Variants in PLCL2 observed in about 807,000 individuals in gnomAD.
PLCL2 encodes the protein inactive phospholipase C-like protein 2.
A neutral mutation model predicts 79.6 loss-of-function variants in PLCL2; 4 were observed. The ratio of observed to expected loss-of-function variants is 0.05; its 90% CI spans 0.02 to 0.11. The LOEUF (loss-of-function observed/expected upper bound fraction) is 0.11, where lower values mean the gene tolerates loss of function less well. Ranked by LOEUF, PLCL2 falls within the 10% of genes least tolerant of loss-of-function variation. PLCL2 has a pLI of 1.00. For missense variants in PLCL2, 895 were observed against 1,291.0 expected, an observed-to-expected ratio of 0.69 and a Z score of 4.70; for synonymous variants, 484 against 457.7, an observed-to-expected ratio of 1.06 and a Z score of -0.73.
chr3:16,994,000 A>AT (rs1234980160), intron 1 of PLCL2, among the ~76,000 whole-genome samples: 8 of 152,092 alleles, frequency 5.3e-5, no homozygotes, highest in Non-Finnish European at 1.2e-4. Context: ...ACCCCTGGTA[A>AT]TTTTCTCTCA....
chr3:17,031,143 G>A (rs1293940412), intron 3 of PLCL2, among the ~76,000 whole-genome samples: 3 of 152,110 alleles, frequency 2.0e-5, no homozygotes, highest in Non-Finnish European at 4.4e-5. Flanking sequence ...GTCCTCCCAC[G>A]GGAATGATTC....
At chr3:17,051,216 AG>A (rs1360248734) in intron 4 of PLCL2, among the ~76,000 whole-genome samples, 2 of 152,286 alleles carry the variant, frequency 1.3e-5, no homozygotes, top group East Asian at 3.9e-4. Context: ...AAAGTTAGGA[AG>A]AACGAGTAAG....
chr3:17,021,796 A>G (rs972988607), intron 3 of PLCL2, among the ~76,000 whole-genome samples: 2 of 152,174 alleles, frequency 1.3e-5, no homozygotes, highest in African/African-American at 4.8e-5. Context: ...AGATTTCAAC[A>G]TGTTGTCAGA....
At chr3:16,925,226 G>T (rs1178058850) in intron 1 of PLCL2, among the ~76,000 whole-genome samples, 5 of 144,744 alleles carry the variant, frequency 3.5e-5, no homozygotes, top group East Asian at 2.0e-4. Context: ...CCCGGCCAGG[G>T]TTTTTTTTTT....
intron 1 of PLCL2, among the ~76,000 whole-genome samples, chr3:16,996,223 A>G (rs138217348): frequency 6.6e-6 from 1 of 152,188 alleles, no homozygotes; most frequent in South Asian, 2.1e-4. Context: ...AAGAACTGGC[A>G]GAAGTAGCCA....
chr3:16,956,389 A>G (rs1046635487), intron 1 of PLCL2, among the ~76,000 whole-genome samples: 6 of 152,092 alleles, frequency 3.9e-5, no homozygotes, highest in Admixed American at 3.3e-4. Flanking sequence ...CCACTTGATC[A>G]TGGTGGATAA....
At chr3:16,994,441 A>T (rs183900110) in intron 1 of PLCL2, among the ~76,000 whole-genome samples, 4 of 152,322 alleles carry the variant, frequency 2.6e-5, no homozygotes, top group Admixed American at 1.3e-4. Context: ...CCAAGTAGAT[A>T]CAAAGACTGT....
intron 3 of PLCL2, among the ~76,000 whole-genome samples, chr3:17,015,784 G>A (rs1484589407): frequency 1.3e-5 from 2 of 152,172 alleles, no homozygotes; most frequent in African/African-American, 2.4e-5. Context: ...CTGTGCTCAA[G>A]GACAAAACAG....
chr3:17,059,167 C>T (rs1344560613), intron 4 of PLCL2, among the ~76,000 whole-genome samples: 1 of 152,036 alleles, frequency 6.6e-6, no homozygotes, highest in Non-Finnish European at 1.5e-5. Flanking sequence ...GGCCCTGGGA[C>T]ATACATTATG....
chr3:17,090,324 G>T lies in PLCL2; in HGVS notation c.*412G>T, dbSNP rs772749925. 1 of 885,190 alleles carries T rather than the reference G, an allele frequency of 1.1e-6. No homozygotes were observed. The highest frequency in any genetic ancestry group is 1.4e-6 in the Non-Finnish European group (1 of 738,408). The allele number at this position is 885,190 out of a possible 1,614,324, so 54.8% of individuals were successfully genotyped here. ...CATTTTTACTTATATGGGGTTGCCA[G>T]AGTCTCTGGGTTCTAGATGATTTTG... is the stretch of plus-strand genomic sequence containing the variant. On this transcript the variant is annotated 3_prime_UTR_variant, in exon 6 of 6. Coordinates refer to ENST00000615277, the MANE Select transcript of PLCL2 (RefSeq NM_001144382.2).
intron 1 of PLCL2, among the ~76,000 whole-genome samples, chr3:16,924,560 C>T (rs1344622307): frequency 3.3e-5 from 5 of 152,184 alleles, no homozygotes; most frequent in Non-Finnish European, 5.9e-5. Flanking sequence ...GGAGGTCAGC[C>T]AGAGGTGAGA....
chr3:17,089,805 G>C lies in PLCL2; in HGVS notation c.3277G>C (p.Val1093Leu). The part of the protein sequence containing the change: ...ENLKQIHFAA[V>L]SCGLNKPGTE... ...CCTGAAACAAATCCATTTTGCTGCT[G>C]TTTCATGTGGACTGAATAAACCAGG... The change falls in exon 6 of 6, where the codon GTT (valine) becomes CTT (leucine). Residue 1093 changes from valine to leucine, a missense_variant. By Grantham distance (32) the Val-to-Leu change is conservative. This residue lies in a region of PLCL2 where 298 missense variants were observed against 459.6 expected (regional missense o/e 0.65). Coordinates refer to ENST00000615277, the MANE Select transcript of PLCL2 (RefSeq NM_001144382.2). 6.2e-7 allele frequency: 1 copy of C among 1,613,968 alleles called. No homozygotes were observed.
chr3:17,082,139 GTTTTTTTT>G (rs58877063), intron 5 of PLCL2, among the ~76,000 whole-genome samples: 1 of 101,334 alleles, frequency 9.9e-6, no homozygotes, highest in Non-Finnish European at 1.9e-5. Flanking sequence ...CTCTTTCAGA[GTTTTTTTT>G]TTTTTTTTTT....
intron 5 of PLCL2, among the ~76,000 whole-genome samples, chr3:17,089,196 CAT>C (rs991552484): frequency 9.2e-5 from 14 of 152,208 alleles, no homozygotes; most frequent in Admixed American, 3.3e-4. Context: ...TGAACCCACA[CAT>C]GTGATGAAGT....
chr3:17,023,069 A>G (rs1210011208), intron 3 of PLCL2, among the ~76,000 whole-genome samples: 1 of 152,124 alleles, frequency 6.6e-6, no homozygotes. Flanking sequence ...AAGAATGTCT[A>G]AACATCTAAA....
At chr3:16,966,062 G>A (rs1181355096) in intron 1 of PLCL2, among the ~76,000 whole-genome samples, 72 of 152,010 alleles carry the variant, frequency 4.7e-4, no homozygotes, top group Non-Finnish European at 7.9e-4. Flanking sequence ...ATGTTGAATA[G>A]GAGTGGTGAG....
At chr3:17,076,381 T>G (rs1161806197) in intron 5 of PLCL2, among the ~76,000 whole-genome samples, 1 of 152,080 alleles carries the variant, frequency 6.6e-6, no homozygotes, top group Non-Finnish European at 1.5e-5. Flanking sequence ...TCCTGAAATT[T>G]GTTTCTGTCT....
Position 16,903,412 on chromosome 3 carries a change from C to T in PLCL2, c.327+18046C>T, listed in dbSNP as rs186325236. ...TTCATGTTATGGAACTGATTTAGTT[C>T]CTGTTCGACAGGCACTGAAACAGGC... On this transcript the variant is annotated intron_variant, in intron 1 of 5. Coordinates refer to ENST00000615277, the MANE Select transcript of PLCL2 (RefSeq NM_001144382.2). Among the ~76,000 whole-genome samples the T allele has an allele frequency of 7.2e-5, 11 of 152,202 alleles. No homozygotes were observed. The South Asian group carries it at 8.3e-4, about 11-fold the overall frequency.
intron 3 of PLCL2, among the ~76,000 whole-genome samples, chr3:17,032,348 C>T (rs1000904437): frequency 6.6e-6 from 1 of 152,090 alleles, no homozygotes; most frequent in African/African-American, 2.4e-5. Flanking sequence ...CTTTATGGCT[C>T]ACTCACTTGT....
Sources: allele counts gnomAD v4.1 joint callset (sites outside exome capture counted in the v4.1 genomes callset), GRCh38; gene constraint gnomAD v4.1.1; regional missense constraint gnomAD v4.1.1; transcripts MANE v1.5; gene names NCBI Gene and HGNC (gene_info 2026-07-23, HGNC 2026-07-21).